The following TBX15 variants were observed in gnomAD, a reference collection of about 807,000 sequenced individuals.
TBX15 encodes T-box transcription factor TBX15.
In TBX15, 18 loss-of-function variants were observed where a neutral mutation model predicts 53.9. The ratio of observed to expected loss-of-function variants is 0.33; its 90% CI spans 0.23 to 0.49. The LOEUF (loss-of-function observed/expected upper bound fraction) is 0.49. Among genes scored for constraint, TBX15 ranks in the 20% least tolerant of loss-of-function variants. The pLI is 0.98. For synonymous variants in TBX15, 295 were observed against 278.0 expected (o/e 1.06, Z -0.61); for missense variants, 692 against 749.5 (o/e 0.92, Z 0.90).
At chr1:118,988,522 G>A (rs1266022554), upstream of TBX15, among the ~76,000 whole-genome samples, 1 of 152,142 alleles carries the variant, frequency 6.6e-6, no homozygotes, top group African/African-American at 2.4e-5. Flanking sequence ...TGGCTTCCCG[G>A]TTTCCCCATG....
chr1:118,960,549 G>A (rs918159939), intron 1 of TBX15, among the ~76,000 whole-genome samples: 1 of 152,170 alleles, frequency 6.6e-6, no homozygotes, highest in Non-Finnish European at 1.5e-5. Flanking sequence ...AAGTACCAAA[G>A]TTTATACAAC....
intron 1 of TBX15, among the ~76,000 whole-genome samples, chr1:118,962,268 AATTGACT>A (rs959350301): frequency 1.3e-5 from 2 of 152,206 alleles, no homozygotes; most frequent in African/African-American, 4.8e-5. Flanking sequence ...ATAAATAAAA[AATTGACT>A]ATCGCTTTTT....
At chr1:118,919,701 AG>A (rs894267122) in intron 5 of TBX15, among the ~76,000 whole-genome samples, 2 of 152,204 alleles carry the variant, frequency 1.3e-5, no homozygotes, top group Admixed American at 1.3e-4. Context: ...TATGCAATAT[AG>A]GTCAGACGCA....
At chr1:118,985,281 G>T (rs1381523419) in intron 1 of TBX15, among the ~76,000 whole-genome samples, 1 of 152,096 alleles carries the variant, frequency 6.6e-6, no homozygotes, top group Non-Finnish European at 1.5e-5. Context: ...GGCACAATAG[G>T]GTCGCCTGCA....
chr1:118,925,478 A>G (rs1281433904), intron 3 of TBX15, among the ~76,000 whole-genome samples: 3 of 152,166 alleles, frequency 2.0e-5, no homozygotes, highest in Admixed American at 6.6e-5. Flanking sequence ...CATCTTCTAC[A>G]CTATTTTCCC....
At chr1:118,955,815 T>G (rs1376893447) in intron 1 of TBX15, among the ~76,000 whole-genome samples, 1 of 152,196 alleles carries the variant, frequency 6.6e-6, no homozygotes, top group South Asian at 2.1e-4. Context: ...CTCTTCCCTA[T>G]GTGTGCCTCA....
intron 6 of TBX15, among the ~76,000 whole-genome samples, chr1:118,900,382 G>C (rs780950544): frequency 5.9e-5 from 9 of 152,128 alleles, no homozygotes; most frequent in Non-Finnish European, 1.3e-4. Flanking sequence ...TTTTATTTTA[G>C]GTGAGAACAA....
chr1:118,917,156 G>A (rs191514962), intron 5 of TBX15, among the ~76,000 whole-genome samples: 16 of 152,122 alleles, frequency 1.1e-4, no homozygotes, highest in East Asian at 3.9e-4. Flanking sequence ...TAACAAAGAC[G>A]TGGAATCAAC....
chr1:118,978,881 C>T (rs980149185), intron 1 of TBX15, among the ~76,000 whole-genome samples: 7 of 152,154 alleles, frequency 4.6e-5, no homozygotes, highest in African/African-American at 1.4e-4. Context: ...ATTGAGAAAA[C>T]ATTTCTGAAC....
chr1:118,923,426 C>T lies in TBX15; in HGVS notation c.861+10G>A. On this transcript the variant is annotated intron_variant, in intron 5 of 7. Coordinates refer to ENST00000369429, the MANE Select transcript of TBX15 (RefSeq NM_001330677.2). ...GATGTAGCAGAAGACTCTCAAGGGC[C>T]ACCTCTTACCTGCTGATTCTGATAG... The T allele has an allele frequency of 6.2e-7, 1 of 1,613,694 alleles. No individual in the cohort carries two copies. The highest frequency in any genetic ancestry group is 8.5e-7 in the Non-Finnish European group (1 of 1,179,838).
At chr1:118,982,734 G>A (rs1293274504) in intron 1 of TBX15, among the ~76,000 whole-genome samples, 1 of 152,176 alleles carries the variant, frequency 6.6e-6, no homozygotes, top group African/African-American at 2.4e-5. Flanking sequence ...GGTATGGGAG[G>A]TGTCAGAAAA....
Position 118,987,746 on chromosome 1 carries a change from G to T in TBX15, c.50C>A (p.Ala17Asp). ...SAVALSSRAH[A>D]FSVEALIGSN... Reference sequence around the variant, plus strand: ...GCCGATCAAGGCTTCAACGGAGAAGGCATGTGCTCGCGAGCTCAGGGCGAC... The same window carrying T: ...GCCGATCAAGGCTTCAACGGAGAAGTCATGTGCTCGCGAGCTCAGGGCGAC... The change falls in exon 1 of 8, where the codon GCC (alanine) becomes GAC (aspartate). Residue 17 changes from alanine to aspartate, a missense_variant. By Grantham distance (126) the Ala-to-Asp change is moderately radical. This residue lies in a region of TBX15 where 307 missense variants were observed against 347.5 expected (regional missense o/e 0.88). Transcript: ENST00000369429. 6.5e-7 allele frequency: 1 copy of T among 1,550,332 alleles called. No homozygotes were observed.
intron 7 of TBX15, chr1:118,891,007 C>A: frequency 8.5e-7 from 1 of 1,172,626 alleles, no homozygotes; most frequent in East Asian, 5.8e-5. Context: ...ACCCTATAGA[C>A]TGATCCCAGA....
intron 1 of TBX15, among the ~76,000 whole-genome samples, chr1:118,967,162 G>A (rs1305305942): frequency 6.6e-6 from 1 of 152,176 alleles, no homozygotes; most frequent in African/African-American, 2.4e-5. Context: ...CATCACTGTG[G>A]TATTCTGTTA....
chr1:118,955,445 CCAAT>C (rs1462570763), intron 1 of TBX15, among the ~76,000 whole-genome samples: 10 of 152,154 alleles, frequency 6.6e-5, no homozygotes, highest in African/African-American at 2.4e-4. Flanking sequence ...TTTCAGAAAA[CCAAT>C]CAATCAATGA....
intron 6 of TBX15, among the ~76,000 whole-genome samples, chr1:118,900,386 A>G (rs1654583095): frequency 6.6e-6 from 1 of 152,214 alleles, no homozygotes; most frequent in African/African-American, 2.4e-5. Flanking sequence ...ATTTTAGGTG[A>G]GAACAAATAT....
rs558996003 is a variant in TBX15 at position 118,953,013 on chromosome 1, C to T, written c.206-21181G>A. The stretch of plus-strand genomic sequence containing the variant: ...AAGATGGCTGGAGGAAAGAGAGGCA[C>T]TTCATGTTTTTTAAATGTATAAACC... On this transcript the variant is annotated intron_variant, in intron 1 of 7. Transcript: ENST00000369429. Among the ~76,000 whole-genome samples the T allele has an allele frequency of 2.0e-5, 3 of 151,730 alleles. No homozygotes were observed. The South Asian group carries it at 6.2e-4, about 32-fold the overall frequency.
intron 1 of TBX15, among the ~76,000 whole-genome samples, chr1:118,947,109 TCTGGCA>T (rs1656371491): frequency 1.3e-5 from 2 of 152,220 alleles, no homozygotes; most frequent in Non-Finnish European, 2.9e-5. Flanking sequence ...AATGTCTGCA[TCTGGCA>T]CTGGGGTTGA....
Position 118,884,336 on chromosome 1 carries a change from G to A in TBX15, c.*396C>T. ...GTATGAATTGTGTATGAATATGTAT[G>A]TGTGTGTGCACGTATGTATAGGTAG... On this transcript the variant is annotated 3_prime_UTR_variant, in exon 8 of 8. Transcript: ENST00000369429. The A allele has an allele frequency of 3.8e-6, 1 of 265,840 alleles. No homozygotes were observed. 16.5% of individuals were successfully genotyped at this position (265,840 alleles called of 1,614,324 possible). A position where few individuals can be genotyped will look rare whatever the true frequency, so the allele number is the denominator to read the frequency against.
Sources: allele counts gnomAD v4.1 joint callset (sites outside exome capture counted in the v4.1 genomes callset), GRCh38; gene constraint gnomAD v4.1.1; regional missense constraint gnomAD v4.1.1; transcripts MANE v1.5; gene names NCBI Gene and HGNC (gene_info 2026-07-23, HGNC 2026-07-21).